The following THSD4 variants were observed in gnomAD, a reference collection of about 807,000 sequenced individuals.
THSD4 encodes thrombospondin type 1 domain containing 4, also known as thrombospondin type-1 domain-containing protein 4.
A neutral mutation model predicts 119.0 loss-of-function variants in THSD4; 69 were observed. The observed-to-expected ratio is 0.58, with a 90% CI of 0.48 to 0.71. The LOEUF is 0.71. Among genes scored for constraint, THSD4 ranks in the 30% least tolerant of loss-of-function variants. The probability of loss-of-function intolerance (pLI) is 0.00; values close to 1 mark genes in which losing one functional copy is unlikely to be tolerated. For missense variants in THSD4, 1,393 were observed against 1,391.1 expected (o/e 1.00, Z -0.02); for synonymous variants, 524 against 540.4 (o/e 0.97, Z 0.42).
intron 7 of THSD4, among the ~76,000 whole-genome samples, chr15:71,567,319 G>A (rs528496857): frequency 6.6e-5 from 10 of 152,036 alleles, no homozygotes; most frequent in Non-Finnish European, 1.5e-4. Context: ...TGGTTCTACT[G>A]GTGAAAACAC....
chr15:71,463,332 C>T (rs756032135), intron 7 of THSD4, among the ~76,000 whole-genome samples: 55 of 152,258 alleles, frequency 3.6e-4, no homozygotes, highest in Non-Finnish European at 2.9e-4. Context: ...GAACAGGACC[C>T]GTGACAGAGC....
intron 6 of THSD4, among the ~76,000 whole-genome samples, chr15:71,333,392 C>T (rs1268166303): frequency 1.3e-5 from 2 of 152,072 alleles, no homozygotes; most frequent in Non-Finnish European, 2.9e-5. Flanking sequence ...AGAGAATTGC[C>T]CATGGAGATT....
At chr15:71,442,660 G>GTGTGTATGTATGTATATATA in intron 7 of THSD4, among the ~76,000 whole-genome samples, 4 of 25,826 alleles carry the variant, frequency 1.5e-4, no homozygotes, top group South Asian at 2.4e-3. Flanking sequence ...GTGTGTGTGT[G>GTGTGTATGTATGTATATATA]TATATATATA....
intron 1 of THSD4, among the ~76,000 whole-genome samples, chr15:71,138,735 T>C (rs1048451639): frequency 4.6e-5 from 7 of 152,182 alleles, no homozygotes; most frequent in Non-Finnish European, 1.0e-4. Flanking sequence ...CTCTGATCAC[T>C]GCCCAGGGCA....
At chr15:71,380,437 C>T (rs942126952) in intron 6 of THSD4, among the ~76,000 whole-genome samples, 6 of 151,998 alleles carry the variant, frequency 3.9e-5, no homozygotes, top group Non-Finnish European at 8.8e-5. Flanking sequence ...AAAATGAAAC[C>T]GTTTGATGCT....
chr15:71,457,080 C>T (rs754147836), intron 7 of THSD4, among the ~76,000 whole-genome samples: 2 of 152,004 alleles, frequency 1.3e-5, no homozygotes, highest in Non-Finnish European at 2.9e-5. Context: ...GAATTCTGTC[C>T]AATAAAGAAG....
At chr15:71,124,932 G>A (rs2040440158) in intron 1 of THSD4, among the ~76,000 whole-genome samples, 1 of 152,004 alleles carries the variant, frequency 6.6e-6, no homozygotes, top group Non-Finnish European at 1.5e-5. Flanking sequence ...GGTCCCAGCT[G>A]GTGGTGTGCA....
At chr15:71,341,369 T>G (rs1434467009) in intron 6 of THSD4, 1 of 1,611,036 alleles carries the variant, frequency 6.2e-7, no homozygotes. Context: ...TTGGATATGC[T>G]CAATGACCAG....
At chr15:71,223,008 T>A (rs772160923) in intron 4 of THSD4, among the ~76,000 whole-genome samples, 23 of 152,210 alleles carry the variant, frequency 1.5e-4, no homozygotes, top group Non-Finnish European at 3.1e-4. Context: ...TGAGTTGCTG[T>A]GAGTTGGATA....
intron 6 of THSD4, among the ~76,000 whole-genome samples, chr15:71,395,950 CACAAACACAG>C (rs2046447972): frequency 2.0e-5 from 3 of 147,992 alleles, no homozygotes; most frequent in South Asian, 4.3e-4. Context: ...CACACACACA[CACAAACACAG>C]ACTTTGTTGA....
intron 6 of THSD4, among the ~76,000 whole-genome samples, chr15:71,275,064 G>A (rs2044574696): frequency 2.0e-5 from 3 of 151,916 alleles, no homozygotes; most frequent in South Asian, 4.2e-4. Flanking sequence ...GTGGCTGGTC[G>A]GGGTGTCAGT....
At chr15:71,427,881 G>A (rs1442028934) in intron 7 of THSD4, among the ~76,000 whole-genome samples, 2 of 152,098 alleles carry the variant, frequency 1.3e-5, no homozygotes, top group Non-Finnish European at 2.9e-5. Context: ...AAACAGATAA[G>A]AGAGAGGTTG....
chr15:71,526,577 A>G (rs1281658565), intron 7 of THSD4, among the ~76,000 whole-genome samples: 1 of 152,178 alleles, frequency 6.6e-6, no homozygotes, highest in East Asian at 1.9e-4. Flanking sequence ...TAGTCGCTGC[A>G]TTAGAAACAC....
rs377535034 is a variant in THSD4 at position 71,378,710 on chromosome 15, A to G, written c.1016-32977A>G. ...AAGCATATTTTTTAATGAATATTTT[A>G]TGGTTGAGAGTCACTGCTTAATAAA... On this transcript the variant is annotated intron_variant, in intron 6 of 17. Coordinates refer to ENST00000261862, the MANE Select transcript of THSD4 (RefSeq NM_024817.3). 9.8e-5 allele frequency among the ~76,000 whole-genome samples: 15 copies of G among 152,330 alleles called. No individual in the cohort carries two copies. In the East Asian group the frequency reaches 1.5e-3, roughly 16 times the overall value.
intron 3 of THSD4, among the ~76,000 whole-genome samples, chr15:71,162,568 C>G (rs1406716302): frequency 6.6e-6 from 1 of 151,854 alleles, no homozygotes; most frequent in African/African-American, 2.4e-5. Context: ...AGAATTCTGT[C>G]TTTGACTTTT....
intron 3 of THSD4, among the ~76,000 whole-genome samples, chr15:71,198,271 GA>G (rs200464744): frequency 6.6e-6 from 1 of 151,780 alleles, no homozygotes; most frequent in South Asian, 2.1e-4. Flanking sequence ...TGTCTTTAGA[GA>G]AAAAAAGGGC....
intron 7 of THSD4, among the ~76,000 whole-genome samples, chr15:71,635,340 C>T (rs1408905151): frequency 1.3e-5 from 2 of 148,872 alleles, no homozygotes. Flanking sequence ...CAATCTCTGC[C>T]AAGCAGGAGA....
intron 1 of THSD4, among the ~76,000 whole-genome samples, chr15:71,137,975 G>C (rs557470567): frequency 6.6e-6 from 1 of 152,294 alleles, no homozygotes; most frequent in Middle Eastern, 3.4e-3. Context: ...TATCAGATCT[G>C]TTCAGGCAGT....
rs2053387570 is a variant in THSD4 at position 71,748,666 on chromosome 15, G to A, written c.2415+72G>A. ...TGCCTCCAAAACCACACAAAGATGAGTCACTAGCTCAGAATCCCAAGACTG... is the reference window on the plus strand; with the variant it reads ...TGCCTCCAAAACCACACAAAGATGAATCACTAGCTCAGAATCCCAAGACTG... On this transcript the variant is annotated intron_variant, in intron 14 of 17. Transcript: ENST00000261862. 4 of 1,550,216 alleles carry A rather than the reference G, an allele frequency of 2.6e-6. No individual in the cohort carries two copies. The South Asian group carries it at 3.6e-5, about 14-fold the overall frequency.
Sources: gnomAD v4.1 joint callset for allele counts (sites outside exome capture counted in the v4.1 genomes callset) on GRCh38, gnomAD v4.1.1 for gene constraint, MANE v1.5 for transcripts, NCBI Gene and HGNC (gene_info 2026-07-23, HGNC 2026-07-21) for gene names.